Variants in RALYL observed in about 807,000 individuals in gnomAD.
RALYL encodes RNA-binding Raly-like protein.
Under a neutral mutation model 35.1 loss-of-function variants are expected in RALYL, and 29 were observed. That is an observed-to-expected ratio of 0.83 (90% CI 0.61 to 1.13). The LOEUF is 1.13. Among genes scored for constraint, RALYL ranks in the 50% most tolerant of loss-of-function variants. The probability of loss-of-function intolerance (pLI) is 0.00; values close to 1 mark genes in which losing one functional copy is unlikely to be tolerated. For synonymous variants in RALYL, 120 were observed against 127.6 expected (o/e 0.94, Z 0.40); for missense variants, 359 against 360.4 (o/e 1.00, Z 0.03).
At chr8:84,389,615 G>T (rs1860124080) in intron 1 of RALYL, among the ~76,000 whole-genome samples, 1 of 150,772 alleles carries the variant, frequency 6.6e-6, no homozygotes, top group Non-Finnish European at 1.5e-5. Context: ...ATTGTGAATG[G>T]GAGTTCACTC....
chr8:84,219,129 C>A (rs1165498842), intron 1 of RALYL, among the ~76,000 whole-genome samples: 1 of 151,874 alleles, frequency 6.6e-6, no homozygotes, highest in East Asian at 1.9e-4. Context: ...TATGGTTATG[C>A]TTTGTGTCCC....
At chr8:84,829,136 C>A (rs1385823437) in intron 4 of RALYL, among the ~76,000 whole-genome samples, 1 of 152,074 alleles carries the variant, frequency 6.6e-6, no homozygotes, top group Non-Finnish European at 1.5e-5. Context: ...TATGTGATGG[C>A]AGGCAAGAGA....
chr8:84,488,582 C>A (rs2054903537), intron 1 of RALYL, among the ~76,000 whole-genome samples: 1 of 151,958 alleles, frequency 6.6e-6, no homozygotes, highest in Admixed American at 6.6e-5. Flanking sequence ...TCTAGTTCCT[C>A]CTGTACAATC....
chr8:84,197,652 G>A (rs1815667706), intron 1 of RALYL, among the ~76,000 whole-genome samples: 2 of 151,830 alleles, frequency 1.3e-5, no homozygotes, highest in African/African-American at 2.4e-5. Flanking sequence ...TTTGGGGCCG[G>A]GCGCGGTGGC....
chr8:84,631,979 C>T (rs1045588488), intron 2 of RALYL, among the ~76,000 whole-genome samples: 7 of 151,790 alleles, frequency 4.6e-5, no homozygotes, highest in Admixed American at 6.6e-5. Context: ...CTTGTTTCCA[C>T]CCCACCCCCC....
intron 8 of RALYL, among the ~76,000 whole-genome samples, chr8:84,888,841 C>A (rs1031809920): frequency 6.6e-6 from 1 of 152,130 alleles, no homozygotes; most frequent in African/African-American, 2.4e-5. Flanking sequence ...CCTCCGCCCC[C>A]CTGGTTCAAG....
At chr8:84,475,559 T>C (rs1478947497) in intron 1 of RALYL, among the ~76,000 whole-genome samples, 1 of 152,212 alleles carries the variant, frequency 6.6e-6, no homozygotes, top group African/African-American at 2.4e-5. Flanking sequence ...GCTAGAAAGA[T>C]AGAAATATGT....
intron 1 of RALYL, among the ~76,000 whole-genome samples, chr8:84,349,433 C>A (rs1850459378): frequency 6.7e-6 from 1 of 150,224 alleles, no homozygotes; most frequent in Non-Finnish European, 1.5e-5. Context: ...GAGCTGAAAT[C>A]CAAACACACA....
chr8:84,920,089 A>G (rs972940730), intron 8 of RALYL, among the ~76,000 whole-genome samples: 1 of 152,124 alleles, frequency 6.6e-6, no homozygotes, highest in African/African-American at 2.4e-5. Flanking sequence ...TAAAAGGTCA[A>G]CATGTCCCAT....
intron 2 of RALYL, among the ~76,000 whole-genome samples, chr8:84,699,672 G>A (rs139056886): frequency 1.2e-3 from 185 of 152,182 alleles, no homozygotes; most frequent in Admixed American, 2.1e-3. Context: ...AGGTTTCAAT[G>A]CACTAATTGG....
intron 1 of RALYL, among the ~76,000 whole-genome samples, chr8:84,483,916 C>T (rs915804638): frequency 1.3e-5 from 2 of 152,004 alleles, no homozygotes; most frequent in African/African-American, 4.8e-5. Context: ...GTTTAGCTCT[C>T]CTTTTGGGTA....
At chr8:84,837,008 A>AT in intron 4 of RALYL, among the ~76,000 whole-genome samples, 1 of 152,158 alleles carries the variant, frequency 6.6e-6, no homozygotes, top group East Asian at 1.9e-4. Flanking sequence ...CCCTTTGAAC[A>AT]TTCACTTGTC....
chr8:84,730,419 G>T (rs991427012), intron 2 of RALYL, among the ~76,000 whole-genome samples: 2 of 152,110 alleles, frequency 1.3e-5, no homozygotes, highest in Non-Finnish European at 2.9e-5. Flanking sequence ...CATACCCACA[G>T]CCAATATCAT....
intron 1 of RALYL, among the ~76,000 whole-genome samples, chr8:84,425,372 C>T (rs2046273579): frequency 6.6e-6 from 1 of 152,300 alleles, no homozygotes; most frequent in African/African-American, 2.4e-5. Flanking sequence ...ACCCCTTGCG[C>T]TTCCCAGGTG....
intron 2 of RALYL, among the ~76,000 whole-genome samples, chr8:84,711,719 T>A (rs993462269): frequency 1.3e-5 from 2 of 152,202 alleles, no homozygotes; most frequent in Non-Finnish European, 2.9e-5. Context: ...TATTTTGTAA[T>A]TTTTAGAATA....
At chr8:84,408,904 G>C (rs1440085632) in intron 1 of RALYL, among the ~76,000 whole-genome samples, 1 of 151,438 alleles carries the variant, frequency 6.6e-6, no homozygotes, top group East Asian at 1.9e-4. Flanking sequence ...ATGTAACTAT[G>C]TAAGAAAAAA....
chr8:84,843,736 A>G lies in RALYL; in HGVS notation c.366-6244A>G, dbSNP rs192619464. Among the ~76,000 whole-genome samples the G allele has an allele frequency of 3.0e-3, 455 of 152,346 alleles. 2 individuals carry two copies. Among genetic ancestry groups the G allele is most frequent in the African/African-American group, 0.01 (421 of 41,578 alleles). On this transcript the variant is annotated intron_variant, in intron 4 of 8. Transcript: ENST00000521268. ...CAAACTATACTACAAGACTACAGTA[A>G]CCAAAACAGCCTGGTACTGGTACCA...
intron 1 of RALYL, among the ~76,000 whole-genome samples, chr8:84,464,362 A>G (rs1460771741): frequency 2.0e-5 from 3 of 151,616 alleles, no homozygotes; most frequent in East Asian, 2.0e-4. Flanking sequence ...TCATTGTTCA[A>G]TTCCCACCTA....
intron 4 of RALYL, among the ~76,000 whole-genome samples, chr8:84,816,783 C>T (rs1454125977): frequency 1.3e-5 from 2 of 152,098 alleles, no homozygotes; most frequent in Admixed American, 6.5e-5. Flanking sequence ...TTGTTTGTAA[C>T]ACAAAGCGTA....
Sources: gnomAD v4.1 joint callset for allele counts (sites outside exome capture counted in the v4.1 genomes callset) on GRCh38, gnomAD v4.1.1 for gene constraint, MANE v1.5 for transcripts, NCBI Gene and HGNC (gene_info 2026-07-23, HGNC 2026-07-21) for gene names.